KLRC4: variants seen among roughly 807,000 people sequenced by gnomAD.
KLRC4 encodes killer cell lectin like receptor C4.
In KLRC4, 6 loss-of-function variants were observed where a neutral mutation model predicts 14.3. The ratio of observed to expected loss-of-function variants is 0.42; its 90% CI spans 0.23 to 0.83. The LOEUF (loss-of-function observed/expected upper bound fraction) is 0.83. Ranked by LOEUF, KLRC4 falls within the 40% of genes least tolerant of loss-of-function variation. The probability of loss-of-function intolerance (pLI) is 0.29; values close to 1 mark genes in which losing one functional copy is unlikely to be tolerated. For missense variants in KLRC4, 158 were observed against 179.4 expected (o/e 0.88, Z 0.68); for synonymous variants, 53 against 60.5 (o/e 0.88, Z 0.57).
At chr12:10,409,033 T>C in intron 1 of KLRC4, 23 bp from the exon 2 acceptor site, 1 of 1,613,096 alleles carries the variant, frequency 6.2e-7, no homozygotes, top group South Asian at 1.1e-5. Flanking sequence ...AAAGAGGCAC[T>C]GAGAGAGGGG....
rs540836894 is a variant in KLRC4 at position 10,409,646 on chromosome 12, A to G, written c.-71T>C. On this transcript the variant is annotated 5_prime_UTR_variant, in exon 1 of 4. Transcript: ENST00000309384. ...ACTTAAGAAGCTATAAGTGGTGTAT[A>G]TTTTGACAGGATCCCTGGTATAGGC... The G allele has an allele frequency of 3.2e-4, 479 of 1,512,570 alleles. 3 individuals are homozygous for G. The highest frequency in any genetic ancestry group is 5.2e-4 in the Admixed American group (23 of 44,534). The allele number at this position is 1,512,570 out of a possible 1,614,324, so 93.7% of individuals were successfully genotyped here. A position where few individuals can be genotyped will look rare whatever the true frequency, so the allele number is the denominator to read the frequency against.
In KLRC4 at chr12:10,408,694, T is replaced by C. The variant is rs928094978; in HGVS notation, c.286+218A>G. 3.3e-5 allele frequency among the ~76,000 whole-genome samples: 5 copies of C among 152,214 alleles called. No individual in the cohort carries two copies. In the South Asian group the frequency reaches 1.0e-3, roughly 32 times the overall value. ...AATACATCTCTCTGTGTGTGTATCA[T>C]ATATACATATATATTTAGTACACAC... On this transcript the variant is annotated intron_variant, in intron 2 of 3. Transcript: ENST00000309384.
In KLRC4 at chr12:10,407,577, C is replaced by A. The variant is rs1863516717; in HGVS notation, c.*76G>T. On this transcript the variant is annotated 3_prime_UTR_variant, in exon 4 of 4. Coordinates refer to ENST00000309384, the MANE Select transcript of KLRC4 (RefSeq NM_013431.2). Reference sequence around the variant, plus strand: ...TGTATAAACATATGGATGATTTCTACAAATATGATATTGACAGAAATAAGC... The same window carrying A: ...TGTATAAACATATGGATGATTTCTAAAAATATGATATTGACAGAAATAAGC... The A allele has an allele frequency of 6.6e-7, 1 of 1,517,780 alleles. No individual in the cohort carries two copies. Among genetic ancestry groups the A allele is most frequent in the Admixed American group, 2.0e-5 (1 of 51,172 alleles). The allele number at this position is 1,517,780 out of a possible 1,614,324, so 94.0% of individuals were successfully genotyped here. A position where few individuals can be genotyped will look rare whatever the true frequency, so the allele number is the denominator to read the frequency against.
chr12:10,408,461 A>T (rs1863534942), intron 2 of KLRC4, 79 bp from the exon 3 acceptor site: 1 of 703,028 alleles, frequency 1.4e-6, no homozygotes, highest in Non-Finnish European at 2.4e-6. Flanking sequence ...TTTGAAATAC[A>T]AAATTTAAAA....
chr12:10,407,726 C>A lies in KLRC4; in HGVS notation c.404G>T (p.Gly135Val). The A allele has an allele frequency of 6.2e-7, 1 of 1,613,806 alleles. No individual in the cohort carries two copies. The highest frequency in any genetic ancestry group is 1.1e-5 in the South Asian group (1 of 91,060). Residue 135 changes from glycine to valine, a missense_variant, in exon 4 of 4, where the codon GGT (glycine) becomes GTT (valine). By Grantham distance (109) the Gly-to-Val change is moderately radical (BLOSUM62 -3). Transcript: ENST00000309384. ...TTCTTCCCAAGTTCTTCTTTCCTTA[C>A]CAATGTAATAACAACTGTTGGAATA... ...ITYSNSCYYI[G>V]KERRTWEERV...
chr12:10,408,994 T>C lies in KLRC4; in HGVS notation c.204A>G (p.Pro68=), dbSNP rs1591597772. The C allele has an allele frequency of 1.2e-6, 2 of 1,613,636 alleles. No individual in the cohort carries two copies. The highest frequency in any genetic ancestry group is 1.3e-5 in the African/African-American group (1 of 74,914). ...CTAGGACCTCAGCAGTGAGCTTCTCTGGAGGTGGCAGTAAACCTGCAGGGA... is the reference window on the plus strand; with the variant it reads ...CTAGGACCTCAGCAGTGAGCTTCTCCGGAGGTGGCAGTAAACCTGCAGGGA... ...TYHCKGLLPP[P]EKLTAEVLGI... is the part of the protein sequence containing the mutation. The change falls in exon 2 of 4, where the codon CCA becomes CCG. Residue 68 remains proline (P), a synonymous_variant. Coordinates refer to ENST00000309384, the MANE Select transcript of KLRC4 (RefSeq NM_013431.2).
In KLRC4 at chr12:10,407,693, C is replaced by A. The variant is rs1863519241; in HGVS notation, c.437G>T (p.Cys146Phe). The A allele has an allele frequency of 1.9e-6, 3 of 1,613,808 alleles. No individual in the cohort carries two copies. The highest frequency in any genetic ancestry group is 1.3e-5 in the African/African-American group (1 of 75,024). Reference sequence around the variant, plus strand: ...CAGAGTTCTTCGAAGCACAGGCCAGCAAACTCTTTCTTCCCAAGTTCTTCT... The same window carrying A: ...CAGAGTTCTTCGAAGCACAGGCCAGAAAACTCTTTCTTCCCAAGTTCTTCT... ...KERRTWEERV[C>F]WPVLRRTLIC... The change falls in exon 4 of 4, where the codon TGC (cysteine) becomes TTC (phenylalanine). Residue 146 changes from cysteine (C) to phenylalanine (F), a missense_variant. Cys to Phe is a radical substitution (Grantham distance 205). Coordinates refer to ENST00000309384, the MANE Select transcript of KLRC4 (RefSeq NM_013431.2).
At chr12:10,408,781 G>T in intron 2 of KLRC4, 131 bp downstream of exon 2, 2 of 1,107,526 alleles carry the variant, frequency 1.8e-6, no homozygotes, top group Non-Finnish European at 2.6e-6. Context: ...TTCAGAAGCA[G>T]CATATTATCT....
intron 3 of KLRC4, 143 bp downstream of exon 3, chr12:10,408,186 C>G (rs369783840): frequency 1.7e-6 from 1 of 576,826 alleles, no homozygotes; most frequent in Non-Finnish European, 3.0e-6. Context: ...AAAGGACATG[C>G]CCTCATATAA....
In KLRC4 at chr12:10,407,626, T is replaced by C; in HGVS notation, c.*27A>G. 6.2e-7 allele frequency: 1 copy of C among 1,608,376 alleles called. No individual in the cohort carries two copies. Among genetic ancestry groups the C allele is most frequent in the Non-Finnish European group, 8.5e-7 (1 of 1,178,000 alleles). On this transcript the variant is annotated 3_prime_UTR_variant, in exon 4 of 4. Transcript: ENST00000309384. ...GCTTTTAGTAAAGTGTTGAAACATT[T>C]ACGTCTTACCATTTCTTCCTCATTA... is the stretch of plus-strand genomic sequence containing the variant.
Position 10,408,346 on chromosome 12 carries a change from T to A in KLRC4, c.323A>T (p.Asn108Ile). Residue 108 changes from asparagine to isoleucine, a missense_variant, in exon 3 of 4, where the codon AAT becomes ATT. Physicochemically the swap from Asn to Ile is moderately radical, Grantham distance 149. Transcript: ENST00000309384. ...TAATGTACCTTTCTGCATTCTTCTATTCAGGGAAAAATTGTTCTGCTCCAG... is the reference window on the plus strand; with the variant it reads ...TAATGTACCTTTCTGCATTCTTCTAATCAGGGAAAAATTGTTCTGCTCCAG... ...GVLEQNNFSL[N>I]RRMQKARHCG... 6.6e-7 allele frequency: 1 copy of A among 1,511,898 alleles called. No individual in the cohort carries two copies. The highest frequency in any genetic ancestry group is 9.2e-7 in the Non-Finnish European group (1 of 1,092,328). 93.7% of individuals were successfully genotyped at this position (1,511,898 alleles called of 1,614,324 possible).
Position 10,409,605 on chromosome 12 carries a change from G to A in KLRC4, c.-30C>T, listed in dbSNP as rs867851844. On this transcript the variant is annotated 5_prime_UTR_variant, in exon 1 of 4. Coordinates refer to ENST00000309384, the MANE Select transcript of KLRC4 (RefSeq NM_013431.2). ...GCAGCTGTGTGATGTCAGGGACTGT[G>A]CTCTATGATAACTGCACTTAAGAAG... The A allele has an allele frequency of 6.3e-7, 1 of 1,589,716 alleles. No homozygotes were observed. Among genetic ancestry groups the A allele is most frequent in the Middle Eastern group, 1.7e-4 (1 of 5,936 alleles).
intron 2 of KLRC4, 131 bp downstream of exon 2, chr12:10,408,781 G>C: frequency 9.0e-7 from 1 of 1,107,532 alleles, no homozygotes; most frequent in Non-Finnish European, 1.3e-6. Flanking sequence ...TTCAGAAGCA[G>C]CATATTATCT....
intron 1 of KLRC4, 41 bp downstream of exon 1, chr12:10,409,348 A>G: frequency 3.8e-6 from 6 of 1,568,286 alleles, no homozygotes; most frequent in Non-Finnish European, 3.5e-6. Context: ...TCAACTGCAC[A>G]TCCTAGAACA....
chr12:10,408,454 G>T, intron 2 of KLRC4, 72 bp from the exon 3 acceptor site: 1 of 737,310 alleles, frequency 1.4e-6, no homozygotes, highest in South Asian at 1.8e-5. Context: ...TGCTTACTTT[G>T]AAATACAAAA....
intron 1 of KLRC4, 37 bp from the exon 2 acceptor site, chr12:10,409,047 TAG>T: frequency 2.5e-6 from 4 of 1,610,870 alleles, no homozygotes; most frequent in East Asian, 4.5e-5. Flanking sequence ...AGAGGGGAGA[TAG>T]AGAGTTGATG....
Position 10,407,547 on chromosome 12 carries a change from A to C in KLRC4, c.*106T>G, listed in dbSNP as rs535907114. The C allele has an allele frequency of 1.5e-6, 2 of 1,306,414 alleles. No individual in the cohort carries two copies. The highest frequency in any genetic ancestry group is 3.0e-5 in the African/African-American group (2 of 67,268). The allele number at this position is 1,306,414 out of a possible 1,614,324, so 80.9% of individuals were successfully genotyped here. A position where few individuals can be genotyped will look rare whatever the true frequency, so the allele number is the denominator to read the frequency against. ...ACAGACTTAAAAATATATGAAGTAA[A>C]TATATGTATAAACATATGGATGATT... On this transcript the variant is annotated 3_prime_UTR_variant, in exon 4 of 4. Coordinates refer to ENST00000309384, the MANE Select transcript of KLRC4 (RefSeq NM_013431.2).
In KLRC4 at chr12:10,407,553, G is replaced by A. The variant is rs923975445; in HGVS notation, c.*100C>T. The stretch of plus-strand genomic sequence containing the variant: ...TTAAAAATATATGAAGTAAATATAT[G>A]TATAAACATATGGATGATTTCTACA... On this transcript the variant is annotated 3_prime_UTR_variant, in exon 4 of 4. Coordinates refer to ENST00000309384, the MANE Select transcript of KLRC4 (RefSeq NM_013431.2). 66 of 1,380,740 alleles carry A rather than the reference G, an allele frequency of 4.8e-5. No individual in the cohort carries two copies. In the Middle Eastern group the frequency reaches 5.6e-4, roughly 12 times the overall value. The allele number at this position is 1,380,740 out of a possible 1,614,324, so 85.5% of individuals were successfully genotyped here. A position where few individuals can be genotyped will look rare whatever the true frequency, so the allele number is the denominator to read the frequency against.
At chr12:10,408,021 C>G (rs984063969) in intron 3 of KLRC4, among the ~76,000 whole-genome samples, 2 of 152,040 alleles carry the variant, frequency 1.3e-5, no homozygotes, top group African/African-American at 2.4e-5. Flanking sequence ...AAAATCCACC[C>G]TACACATCTT....
Sources: allele counts gnomAD v4.1 joint callset (sites outside exome capture counted in the v4.1 genomes callset), GRCh38; gene constraint gnomAD v4.1.1; transcripts MANE v1.5; gene names NCBI Gene and HGNC (gene_info 2026-07-23, HGNC 2026-07-21).